Variants in TMED3 observed in about 807,000 individuals in gnomAD.
The protein encoded by TMED3 is transmembrane p24 trafficking protein 3, also known as transmembrane emp24 domain-containing protein 3.
A neutral mutation model predicts 15.0 loss-of-function variants in TMED3; 9 were observed. That is an observed-to-expected ratio of 0.60 (90% CI 0.36 to 1.04). The LOEUF is 1.04. Ranked by LOEUF, TMED3 falls within the 50% of genes least tolerant of loss-of-function variation. The pLI, the probability that TMED3 is intolerant of heterozygous loss-of-function variation, is 0.01. For synonymous variants in TMED3, 117 were observed against 121.4 expected, an observed-to-expected ratio of 0.96 and a Z score of 0.24; for missense variants, 267 against 278.9, an observed-to-expected ratio of 0.96 and a Z score of 0.30.
At chr15:79,406,396 C>A (rs757969778) in intron 2 of TMED3, among the ~76,000 whole-genome samples, 10 of 152,134 alleles carry the variant, frequency 6.6e-5, no homozygotes, top group Non-Finnish European at 1.3e-4. Flanking sequence ...TACAATGGAC[C>A]CACTGTGAGA....
At chr15:79,313,297 C>T (rs1227465200) in intron 1 of TMED3, among the ~76,000 whole-genome samples, 7 of 152,108 alleles carry the variant, frequency 4.6e-5, no homozygotes, top group African/African-American at 1.2e-4. Flanking sequence ...TTATCAGCAC[C>T]ATCTCAGGAA....
At chr15:79,369,149 C>T (rs1034266240) in intron 2 of TMED3, among the ~76,000 whole-genome samples, 2 of 151,446 alleles carry the variant, frequency 1.3e-5, no homozygotes, top group Non-Finnish European at 2.9e-5. Context: ...CTTCACCAGA[C>T]ATTCCCTACA....
chr15:79,345,556 C>A (rs2141230987), intron 2 of TMED3, among the ~76,000 whole-genome samples: 1 of 152,266 alleles, frequency 6.6e-6, no homozygotes, highest in East Asian at 1.9e-4. Flanking sequence ...TATTGGTGGG[C>A]ATTTAGGTTG....
intron 2 of TMED3, among the ~76,000 whole-genome samples, chr15:79,328,686 A>G (rs941443664): frequency 6.6e-6 from 1 of 152,174 alleles, no homozygotes; most frequent in African/African-American, 2.4e-5. Context: ...ACCATCCTCC[A>G]CATCAAGCCT....
chr15:79,315,430 A>G (rs988356699), intron 2 of TMED3, among the ~76,000 whole-genome samples: 1 of 152,070 alleles, frequency 6.6e-6, no homozygotes, highest in Non-Finnish European at 1.5e-5. Flanking sequence ...GAGGGTGTGT[A>G]TTGTGTGTAA....
chr15:79,346,810 A>G (rs1326309205), intron 2 of TMED3, among the ~76,000 whole-genome samples: 1 of 152,154 alleles, frequency 6.6e-6, no homozygotes, highest in Non-Finnish European at 1.5e-5. Context: ...TCAGGTTTGT[A>G]GAAGACCTGA....
intron 2 of TMED3, among the ~76,000 whole-genome samples, chr15:79,318,536 G>C (rs4779074): frequency 0.63 from 95,481 of 152,056 alleles, 30,193 homozygotes; most frequent in East Asian, 0.81. Context: ...TCACCAGGGT[G>C]ATGTAAATAC....
At chr15:79,360,883 G>A (rs537854954) in intron 2 of TMED3, among the ~76,000 whole-genome samples, 8 of 151,956 alleles carry the variant, frequency 5.3e-5, no homozygotes, top group African/African-American at 9.7e-5. Context: ...AGAGTCTCAC[G>A]GTGTCACCCA....
At chr15:79,339,699 G>T (rs1263103221) in intron 2 of TMED3, among the ~76,000 whole-genome samples, 1 of 151,922 alleles carries the variant, frequency 6.6e-6, no homozygotes, top group Non-Finnish European at 1.5e-5. Flanking sequence ...GGTGGTGATG[G>T]TAGTAATGGT....
chr15:79,359,973 A>C (rs954620828), intron 2 of TMED3, among the ~76,000 whole-genome samples: 1 of 152,214 alleles, frequency 6.6e-6, no homozygotes, highest in Admixed American at 6.5e-5. Context: ...TGATGAATAT[A>C]GTGTCTTGCC....
Position 79,311,278 on chromosome 15 carries a change from C to T in TMED3, c.29C>T (p.Ser10Phe), listed in dbSNP as rs774382688. Reference sequence around the variant, plus strand: ...GGCAGCACTGTCCCGCGCTCCGCCTCCGTGCTGCTTCTGCTGCTGCTCCTG... The same window carrying T: ...GGCAGCACTGTCCCGCGCTCCGCCTTCGTGCTGCTTCTGCTGCTGCTCCTG... MGSTVPRSA[S>F]VLLLLLLLRR... The change falls in exon 1 of 3, where the codon TCC (serine) becomes TTC (phenylalanine). Residue 10 changes from serine to phenylalanine, a missense_variant. Around this residue, in one of 3 missense-constraint regions of TMED3, gnomAD observed 59 missense variants for 47.0 expected, o/e 1.26. Transcript: ENST00000299705. 12 of 1,605,866 alleles carry T rather than the reference C, an allele frequency of 7.5e-6. No homozygotes were observed. Among genetic ancestry groups the T allele is most frequent in the South Asian group, 4.4e-5 (4 of 90,004 alleles).
chr15:79,360,252 G>C (rs1390504283), intron 2 of TMED3, among the ~76,000 whole-genome samples: 1 of 152,084 alleles, frequency 6.6e-6, no homozygotes, highest in Non-Finnish European at 1.5e-5. Flanking sequence ...GGTTGAGCTG[G>C]GTGTGGGGTG....
rs1354499350 is a variant in TMED3, at chr15:79,395,626, A to G, written c.418-15774A>G. ...ATGCTATTTTTTGTTATTATTATTT[A>G]GAATTTTAGTTTGCCCTTTAACACG... On this transcript the variant is annotated intron_variant, in intron 2 of 2. Coordinates refer to the TMED3 transcript ENST00000424155. Among the ~76,000 whole-genome samples the G allele has an allele frequency of 2.6e-5, 4 of 152,374 alleles. No individual in the cohort carries two copies. The East Asian group carries it at 7.7e-4, about 29-fold the overall frequency.
At chr15:79,344,390 C>T (rs1411157225) in intron 2 of TMED3, among the ~76,000 whole-genome samples, 1 of 152,176 alleles carries the variant, frequency 6.6e-6, no homozygotes, top group African/African-American at 2.4e-5. Context: ...AAGGTATTGG[C>T]AGGGTTGGCT....
chr15:79,382,153 C>T (rs561503575), intron 2 of TMED3, among the ~76,000 whole-genome samples: 1 of 152,302 alleles, frequency 6.6e-6, no homozygotes, highest in South Asian at 2.1e-4. Flanking sequence ...ATCCTCTCGG[C>T]AGTCCTCAGC....
chr15:79,353,931 A>G (rs2058908371), intron 2 of TMED3, among the ~76,000 whole-genome samples: 1 of 152,094 alleles, frequency 6.6e-6, no homozygotes, highest in East Asian at 1.9e-4. Context: ...TTCCCCTAGA[A>G]TCCTTGTCTA....
chr15:79,340,175 G>A (rs77108067), intron 2 of TMED3, among the ~76,000 whole-genome samples: 1,948 of 152,234 alleles, frequency 0.013, 84 homozygotes, highest in East Asian at 0.11. Context: ...AAGAACTGCA[G>A]CAATATGAGA....
intron 2 of TMED3, among the ~76,000 whole-genome samples, chr15:79,382,781 C>T (rs185508816): frequency 1.3e-3 from 203 of 152,320 alleles, no homozygotes; most frequent in African/African-American, 4.7e-3. Flanking sequence ...TGCCACTCCT[C>T]ATCCTGAATT....
intron 2 of TMED3, chr15:79,383,414 A>T (rs1178880194): frequency 5.2e-6 from 1 of 193,004 alleles, no homozygotes; most frequent in Non-Finnish European, 1.1e-5. Flanking sequence ...ATGAAGTCAC[A>T]GAACTCAGCA....
Sources: gnomAD v4.1 joint callset for allele counts (sites outside exome capture counted in the v4.1 genomes callset) on GRCh38, gnomAD v4.1.1 for gene constraint, gnomAD v4.1.1 regional missense constraint, MANE v1.5 for transcripts, NCBI Gene and HGNC (gene_info 2026-07-23, HGNC 2026-07-21) for gene names.